ROBO2: variants seen among roughly 807,000 people sequenced by gnomAD.
The protein encoded by ROBO2 is roundabout homolog 2.
A neutral mutation model predicts 160.8 loss-of-function variants in ROBO2; 53 were observed. That is an observed-to-expected ratio of 0.33 (90% CI 0.26 to 0.41). The LOEUF (loss-of-function observed/expected upper bound fraction) is 0.41. Ranked by LOEUF, ROBO2 falls within the 10% of genes least tolerant of loss-of-function variation. ROBO2 has a pLI of 1.00. For synonymous variants in ROBO2, 664 were observed against 611.7 expected (o/e 1.09, Z -1.26); for missense variants, 1,577 against 1,722.4 (o/e 0.92, Z 1.49).
intron 2 of ROBO2, among the ~76,000 whole-genome samples, chr3:77,144,924 T>C (rs1233336501): frequency 6.7e-6 from 1 of 149,916 alleles, no homozygotes; most frequent in Non-Finnish European, 1.5e-5. Flanking sequence ...TAGTAGCTAC[T>C]TCTCTCATCA....
intron 2 of ROBO2, among the ~76,000 whole-genome samples, chr3:76,721,342 C>T (rs2093463761): frequency 2.0e-5 from 3 of 152,114 alleles, no homozygotes; most frequent in Non-Finnish European, 4.4e-5. Context: ...TCATCTGTTC[C>T]TTCCTATTAA....
intron 2 of ROBO2, among the ~76,000 whole-genome samples, chr3:76,159,001 A>G (rs1191542636): frequency 6.6e-6 from 1 of 152,220 alleles, no homozygotes; most frequent in Non-Finnish European, 1.5e-5. Flanking sequence ...TTATAAGTGC[A>G]GAATGCTTAT....
At chr3:76,678,290 T>C (rs2092465768) in intron 2 of ROBO2, among the ~76,000 whole-genome samples, 1 of 152,112 alleles carries the variant, frequency 6.6e-6, no homozygotes, top group Non-Finnish European at 1.5e-5. Flanking sequence ...CTTTTAATTG[T>C]CGAGTTTTTT....
At chr3:76,687,237 G>T (rs2092704277) in intron 2 of ROBO2, among the ~76,000 whole-genome samples, 1 of 151,950 alleles carries the variant, frequency 6.6e-6, no homozygotes, top group Non-Finnish European at 1.5e-5. Context: ...AGGCTACCTG[G>T]GGTCAAATTC....
At chr3:77,612,506 C>T (rs1316455611) in intron 21 of ROBO2, among the ~76,000 whole-genome samples, 3 of 152,156 alleles carry the variant, frequency 2.0e-5, no homozygotes, top group African/African-American at 7.2e-5. Context: ...TTTCTTTTAT[C>T]TCATTTTCCA....
At chr3:76,173,252 A>G (rs1464071967) in intron 2 of ROBO2, among the ~76,000 whole-genome samples, 1 of 151,630 alleles carries the variant, frequency 6.6e-6, no homozygotes, top group African/African-American at 2.4e-5. Context: ...ATATGTGTAT[A>G]TGTATATATG....
At chr3:77,452,847 A>C (rs1243067331) in intron 2 of ROBO2, among the ~76,000 whole-genome samples, 1 of 152,194 alleles carries the variant, frequency 6.6e-6, no homozygotes, top group African/African-American at 2.4e-5. Context: ...ACAGGTTTGA[A>C]TATCAAAAGC....
chr3:77,124,048 T>C (rs1168244113), intron 2 of ROBO2, among the ~76,000 whole-genome samples: 1 of 148,412 alleles, frequency 6.7e-6, no homozygotes, highest in Non-Finnish European at 1.5e-5. Context: ...GTGTAAAACA[T>C]TTGAAAAACT....
At chr3:76,828,046 C>T (rs952097637) in intron 2 of ROBO2, among the ~76,000 whole-genome samples, 1 of 152,150 alleles carries the variant, frequency 6.6e-6, no homozygotes, top group Non-Finnish European at 1.5e-5. Flanking sequence ...ATCCCCACTA[C>T]AGATCTGGAC....
intron 2 of ROBO2, among the ~76,000 whole-genome samples, chr3:77,252,971 C>G (rs1186576786): frequency 2.7e-5 from 4 of 150,838 alleles, no homozygotes; most frequent in Non-Finnish European, 5.9e-5. Flanking sequence ...AAATTATGCT[C>G]TTTTGGAAAA....
chr3:76,686,184 T>C (rs1480801029), intron 2 of ROBO2, among the ~76,000 whole-genome samples: 2 of 152,104 alleles, frequency 1.3e-5, no homozygotes, highest in Admixed American at 1.3e-4. Flanking sequence ...AGTTTTCTGG[T>C]TGAATCAGTC....
chr3:77,289,532 T>C (rs909544211), intron 2 of ROBO2, among the ~76,000 whole-genome samples: 1 of 151,020 alleles, frequency 6.6e-6, no homozygotes, highest in African/African-American at 2.4e-5. Flanking sequence ...TGAGGCTAGA[T>C]CACCCCAGAC....
intron 2 of ROBO2, among the ~76,000 whole-genome samples, chr3:76,779,155 T>C (rs2062466536): frequency 6.6e-6 from 1 of 151,070 alleles, no homozygotes; most frequent in South Asian, 2.1e-4. Context: ...CATATTATTT[T>C]CTTCTACTCC....
intron 1 of ROBO2, among the ~76,000 whole-genome samples, chr3:75,917,841 A>G (rs1158362624): frequency 6.6e-6 from 1 of 151,672 alleles, no homozygotes; most frequent in Non-Finnish European, 1.5e-5. Flanking sequence ...TCTTCTTTTG[A>G]GAAGTGTCTG....
At chr3:76,466,002 T>C (rs1048982475) in intron 2 of ROBO2, among the ~76,000 whole-genome samples, 1 of 132,920 alleles carries the variant, frequency 7.5e-6, no homozygotes. Context: ...AATATGGGTG[T>C]GTGTGTGTGT....
intron 5 of ROBO2, among the ~76,000 whole-genome samples, chr3:77,501,670 G>A (rs553393781): frequency 4.0e-5 from 6 of 151,712 alleles, no homozygotes; most frequent in Admixed American, 1.3e-4. Flanking sequence ...TCAATCTCTC[G>A]AAACAATTAG....
At chr3:77,239,742 A>C (rs948270262) in intron 2 of ROBO2, among the ~76,000 whole-genome samples, 1 of 152,038 alleles carries the variant, frequency 6.6e-6, no homozygotes, top group Non-Finnish European at 1.5e-5. Flanking sequence ...CTAGACGCAG[A>C]GCACTGATTG....
At chr3:76,132,542 C>G (rs1464328549) in intron 2 of ROBO2, among the ~76,000 whole-genome samples, 1 of 152,068 alleles carries the variant, frequency 6.6e-6, no homozygotes, top group African/African-American at 2.4e-5. Context: ...ACCTTGCAAG[C>G]AGGCCTTTCT....
At chr3:75,996,573 C>A (rs683489) in intron 2 of ROBO2, among the ~76,000 whole-genome samples, 117,517 of 152,134 alleles carry the variant, frequency 0.77, 46,570 homozygotes, top group East Asian at 0.97. Context: ...TACATCCATT[C>A]ATTTAGGACT....
Sources: allele counts gnomAD v4.1 joint callset (sites outside exome capture counted in the v4.1 genomes callset), GRCh38; gene constraint gnomAD v4.1.1; transcripts MANE v1.5; gene names NCBI Gene and HGNC (gene_info 2026-07-23, HGNC 2026-07-21).